ATAD2B: variants seen among roughly 807,000 people sequenced by gnomAD.
ATAD2B encodes ATPase family AAA domain containing 2B, also known as ATPase family AAA domain-containing protein 2B.
In ATAD2B, 40 loss-of-function variants were observed where a neutral mutation model predicts 167.6. The ratio of observed to expected loss-of-function variants is 0.24; its 90% CI spans 0.19 to 0.31. ATAD2B has a LOEUF of 0.31. Ranked by LOEUF, ATAD2B falls within the 10% of genes least tolerant of loss-of-function variation. ATAD2B has a pLI of 1.00. For synonymous variants in ATAD2B, 579 were observed against 596.5 expected (o/e 0.97, Z 0.43); for missense variants, 1,242 against 1,757.2 (o/e 0.71, Z 5.24).
Position 23,754,665 on chromosome 2 carries a change from A to T in ATAD2B, c.4188T>A (p.Val1396=). ...EPSEPVPPLI[V]DRERLKKLLD... ...AGCTTACCTTCAATCTCTCACGATC[A>T]ACTATAAGAGGAGGCACAGGCTCAG... Residue 1396 remains valine, a synonymous_variant, in exon 26 of 28, where the codon GTT becomes GTA. Transcript: ENST00000238789. 4 of 1,612,210 alleles carry T rather than the reference A, an allele frequency of 2.5e-6. No homozygotes were observed. The highest frequency in any genetic ancestry group is 3.4e-6 in the Non-Finnish European group (4 of 1,179,054).
chr2:23,844,911 T>A (rs1340771918), intron 13 of ATAD2B, among the ~76,000 whole-genome samples: 4 of 146,122 alleles, frequency 2.7e-5, no homozygotes, highest in East Asian at 2.0e-4. Flanking sequence ...GGGAGAAAAC[T>A]CCACCAAGAT....
intron 27 of ATAD2B, among the ~76,000 whole-genome samples, chr2:23,753,773 C>T (rs904925039): frequency 6.6e-6 from 1 of 152,054 alleles, no homozygotes; most frequent in Non-Finnish European, 1.5e-5. Context: ...CATGCCAACG[C>T]CTTTATATCA....
At chr2:23,815,458 G>C (rs143497689) in intron 17 of ATAD2B, among the ~76,000 whole-genome samples, 18 of 152,302 alleles carry the variant, frequency 1.2e-4, no homozygotes, top group African/African-American at 4.3e-4. Context: ...GGAAGAGAAG[G>C]GGCGTATGAT....
At chr2:23,699,348 G>A in the ATAD2B span, among the ~76,000 whole-genome samples, 2 of 152,340 alleles carry the variant, frequency 1.3e-5, no homozygotes, top group East Asian at 3.9e-4. Flanking sequence ...ATTGCGTCCA[G>A]GCACTCACCG....
At chr2:23,734,044 T>C in the ATAD2B span, among the ~76,000 whole-genome samples, 12 of 152,222 alleles carry the variant, frequency 7.9e-5, no homozygotes, top group African/African-American at 1.7e-4. Flanking sequence ...GCCGTTAAGA[T>C]AACTTATCCT....
At chr2:23,899,865 A>T (rs913250105) in intron 1 of ATAD2B, among the ~76,000 whole-genome samples, 7 of 151,530 alleles carry the variant, frequency 4.6e-5, no homozygotes, top group Admixed American at 6.6e-5. Flanking sequence ...CTGGGATTAC[A>T]AGTGTGAGCC....
At chr2:23,775,859 T>C (rs1344942507) in intron 22 of ATAD2B, among the ~76,000 whole-genome samples, 5 of 152,026 alleles carry the variant, frequency 3.3e-5, no homozygotes, top group Admixed American at 1.3e-4. Flanking sequence ...CATATACAAC[T>C]AGTAATCCAG....
chr2:23,875,866 C>T lies in ATAD2B; in HGVS notation c.940G>A (p.Asp314Asn), dbSNP rs768569126. 1.9e-6 allele frequency: 3 copies of T among 1,610,570 alleles called. No individual in the cohort carries two copies. Among genetic ancestry groups the T allele is most frequent in the Non-Finnish European group, 1.7e-6 (2 of 1,178,152 alleles). ...HQKKRENTLF[D>N]IHRSPARRSH... ...CTTCTTGCTGGAGATCTATGAATAT[C>T]AAACAGCGTGTTTTCCCTCTTTTTT... The change falls in exon 8 of 28, where the codon GAT (aspartate) becomes AAT (asparagine). Residue 314 changes from aspartate to asparagine, a missense_variant. Coordinates refer to ENST00000238789, the MANE Select transcript of ATAD2B (RefSeq NM_017552.4).
At chr2:23,838,635 C>T (rs1163257300) in intron 13 of ATAD2B, among the ~76,000 whole-genome samples, 2 of 152,128 alleles carry the variant, frequency 1.3e-5, no homozygotes. Context: ...GATCTAAAAT[C>T]CAATGAAATG....
chr2:23,873,961 C>A (rs2150131261), intron 8 of ATAD2B, among the ~76,000 whole-genome samples: 1 of 151,386 alleles, frequency 6.6e-6, no homozygotes, highest in East Asian at 2.0e-4. Flanking sequence ...CTGAGGCAGG[C>A]AGATCACTTG....
At chr2:23,798,345 C>T (rs1682921836) in intron 18 of ATAD2B, 22 bp from the exon 19 acceptor site, 7 of 1,536,036 alleles carry the variant, frequency 4.6e-6, no homozygotes, top group Non-Finnish European at 6.2e-6. Flanking sequence ...AAAAAACCAA[C>T]ATTAAACAAC....
chr2:23,682,690 G>A, the ATAD2B span, among the ~76,000 whole-genome samples: 12 of 146,942 alleles, frequency 8.2e-5, no homozygotes, highest in South Asian at 1.6e-3. The surrounding 1 kb of genome is among the most constrained non-coding windows in gnomAD (Gnocchi z 4.1). Context: ...ACACCCTCCC[G>A]CACCCTCCCG....
the ATAD2B span, among the ~76,000 whole-genome samples, chr2:23,705,367 T>C: frequency 2.6e-5 from 4 of 152,074 alleles, no homozygotes; most frequent in Non-Finnish European, 4.4e-5. Context: ...GGCAGGCGCC[T>C]GTAATCCCAG....
chr2:23,788,174 C>T (rs753548623), intron 20 of ATAD2B: 15 of 220,854 alleles, frequency 6.8e-5, no homozygotes, highest in Non-Finnish European at 1.1e-4. Context: ...GTGTTCACAA[C>T]CTGCCAGTTC....
chr2:23,762,186 AT>A (rs779472141), intron 24 of ATAD2B, 22 bp downstream of exon 24: 28 of 1,611,776 alleles, frequency 1.7e-5, no homozygotes, highest in South Asian at 2.2e-5. Flanking sequence ...TCACTACTGG[AT>A]AACATGAGCT....
intron 13 of ATAD2B, among the ~76,000 whole-genome samples, chr2:23,843,984 G>A (rs1257909904): frequency 6.6e-6 from 1 of 152,076 alleles, no homozygotes; most frequent in African/African-American, 2.4e-5. Context: ...TGTCACCCAG[G>A]CTGGAGTGCA....
intron 12 of ATAD2B, 75 bp downstream of exon 12, chr2:23,863,306 C>G: frequency 2.8e-6 from 4 of 1,424,354 alleles, no homozygotes; most frequent in Non-Finnish European, 3.8e-6. Flanking sequence ...GAGAGAGGCC[C>G]TGTCTCAAAA....
chr2:23,813,184 G>A (rs1465206383), intron 17 of ATAD2B, among the ~76,000 whole-genome samples: 2 of 151,270 alleles, frequency 1.3e-5, no homozygotes, highest in African/African-American at 4.9e-5. Flanking sequence ...AAACATAAAA[G>A]GCAGCCTAGG....
intron 22 of ATAD2B, among the ~76,000 whole-genome samples, chr2:23,768,145 A>G (rs1233711144): frequency 6.6e-6 from 1 of 152,202 alleles, no homozygotes; most frequent in African/African-American, 2.4e-5. Context: ...GATCTATTGA[A>G]GCATAATAGA....
Sources: gnomAD v4.1 joint callset for allele counts (sites outside exome capture counted in the v4.1 genomes callset) on GRCh38, gnomAD v4.1.1 for gene constraint, Gnocchi (gnomAD v3.1) non-coding constraint, MANE v1.5 for transcripts, NCBI Gene and HGNC (gene_info 2026-07-23, HGNC 2026-07-21) for gene names.